The following RSPRY1 variants were observed in gnomAD, a reference collection of about 807,000 sequenced individuals.
The protein encoded by RSPRY1 is ring finger and SPRY domain containing 1, also known as RING finger and SPRY domain-containing protein 1.
In RSPRY1, 23 loss-of-function variants were observed where a neutral mutation model predicts 73.1. That is an observed-to-expected ratio of 0.31 (90% confidence interval 0.23 to 0.45). The LOEUF is 0.45. RSPRY1 is among the 20% of genes least tolerant of loss of function. RSPRY1 has a pLI of 1.00. For missense variants in RSPRY1, 448 were observed against 698.7 expected (o/e 0.64, Z 4.05); for synonymous variants, 226 against 251.4 (o/e 0.90, Z 0.95).
intron 2 of RSPRY1, among the ~76,000 whole-genome samples, chr16:57,205,866 T>C (rs1430432735): frequency 6.6e-6 from 1 of 152,254 alleles, no homozygotes; most frequent in Non-Finnish European, 1.5e-5. Flanking sequence ...AGCTTTGTAC[T>C]TAACAGTTGC....
At chr16:57,220,394 T>C (rs2075015679) in intron 8 of RSPRY1, 1 of 168,142 alleles carries the variant, frequency 5.9e-6, no homozygotes, top group Admixed American at 5.8e-5. Context: ...AGGTATCTTA[T>C]TTTATTTATA....
intron 1 of RSPRY1, among the ~76,000 whole-genome samples, chr16:57,202,040 G>T (rs1353868787): frequency 6.6e-6 from 1 of 152,000 alleles, no homozygotes; most frequent in Non-Finnish European, 1.5e-5. Flanking sequence ...ATCTCAGAGG[G>T]GCCGAGCAGG....
intron 8 of RSPRY1, 36 bp downstream of exon 8, chr16:57,217,071 T>G (rs757468338): frequency 6.2e-6 from 10 of 1,612,716 alleles, no homozygotes; most frequent in Middle Eastern, 1.7e-4. Flanking sequence ...AATGTCCGTT[T>G]CCATTTCCAG....
At chr16:57,226,816 G>A (rs1429900203) in intron 10 of RSPRY1, among the ~76,000 whole-genome samples, 1 of 152,160 alleles carries the variant, frequency 6.6e-6, no homozygotes, top group East Asian at 1.9e-4. Context: ...TCTTGGGAAT[G>A]CAGCTGAGCA....
At chr16:57,233,650 G>C (rs914076829) in intron 13 of RSPRY1, among the ~76,000 whole-genome samples, 1 of 152,152 alleles carries the variant, frequency 6.6e-6, no homozygotes, top group Non-Finnish European at 1.5e-5. Context: ...GATTACAGGC[G>C]TGAGCCACTG....
rs1357327895 is a variant in RSPRY1, at chr16:57,204,605, A to G, written c.-54A>G. ...GTTGTTAAAAACAAATAGGATGCAA[A>G]TTCCTCAACTCCAGGTTATGAAAAC... On this transcript the variant is annotated 5_prime_UTR_variant, in exon 2 of 15. Coordinates refer to ENST00000394420, the MANE Select transcript of RSPRY1 (RefSeq NM_133368.3). 3.9e-6 allele frequency: 6 copies of G among 1,524,776 alleles called. No homozygotes were observed. The highest frequency in any genetic ancestry group is 5.4e-6 in the Non-Finnish European group (6 of 1,114,674). The allele number at this position is 1,524,776 out of a possible 1,614,324, so 94.5% of individuals were successfully genotyped here.
At chr16:57,223,623 T>C (rs1220079661) in intron 10 of RSPRY1, among the ~76,000 whole-genome samples, 1 of 152,046 alleles carries the variant, frequency 6.6e-6, no homozygotes, top group Non-Finnish European at 1.5e-5. Flanking sequence ...ATATAAAAAA[T>C]TAGCTGGGCG....
At chr16:57,206,786 A>G (rs2074734413) in intron 2 of RSPRY1, among the ~76,000 whole-genome samples, 1 of 152,152 alleles carries the variant, frequency 6.6e-6, no homozygotes, top group Admixed American at 6.5e-5. Context: ...GCTGGTCTCA[A>G]ATACCTGGAC....
chr16:57,221,621 C>A (rs1431806807), intron 10 of RSPRY1, among the ~76,000 whole-genome samples: 1 of 152,172 alleles, frequency 6.6e-6, no homozygotes, highest in Non-Finnish European at 1.5e-5. Flanking sequence ...TCGGCCTTTT[C>A]TTTTTCTTGA....
intron 4 of RSPRY1, among the ~76,000 whole-genome samples, chr16:57,212,028 G>A (rs1322527171): frequency 2.6e-5 from 4 of 152,154 alleles, no homozygotes; most frequent in Non-Finnish European, 4.4e-5. Flanking sequence ...CAACTCTGTT[G>A]GGGCAGGGTG....
chr16:57,201,294 A>G (rs1387546767), intron 1 of RSPRY1, among the ~76,000 whole-genome samples: 1 of 148,938 alleles, frequency 6.7e-6, no homozygotes, highest in Non-Finnish European at 1.5e-5. Flanking sequence ...GGCGGTTGCC[A>G]GGCAGAGGGT....
At chr16:57,216,759 A>G (rs891145210) in intron 7 of RSPRY1, 145 bp from the exon 8 acceptor site, 1 of 752,838 alleles carries the variant, frequency 1.3e-6, no homozygotes. Context: ...CTCTTTGGCT[A>G]TGTTTTCCCT....
At chr16:57,197,105 C>G (rs999346934) in intron 1 of RSPRY1, among the ~76,000 whole-genome samples, 1 of 152,032 alleles carries the variant, frequency 6.6e-6, no homozygotes, top group Non-Finnish European at 1.5e-5. Context: ...AAGCAGTGGT[C>G]CTTGGAAAGT....
At chr16:57,197,517 G>T (rs2074472053) in intron 1 of RSPRY1, among the ~76,000 whole-genome samples, 1 of 151,044 alleles carries the variant, frequency 6.6e-6, no homozygotes, top group Non-Finnish European at 1.5e-5. Flanking sequence ...AAAAAAAAAA[G>T]TCTGGCTTTA....
chr16:57,191,758 C>G (rs1256256568), intron 1 of RSPRY1, among the ~76,000 whole-genome samples: 1 of 152,134 alleles, frequency 6.6e-6, no homozygotes, highest in Non-Finnish European at 1.5e-5. Flanking sequence ...GATAGATTCT[C>G]TAGTCCCCTT....
rs1327464943 is a variant in RSPRY1 at position 57,238,928 on chromosome 16, C to T, written c.1684C>T (p.Arg562Cys). The part of the protein sequence containing the change: ...ALQLETCPLC[R>C]KEIVSRIRQI... ...GCAGCTGGAGACCTGCCCATTGTGT[C>T]GTAAAGAAATAGTATCTAGAATCAG... Residue 562 changes from arginine to cysteine, a missense_variant, in exon 15 of 15, where the codon CGT becomes TGT. Arg to Cys is a radical substitution (Grantham distance 180). Transcript: ENST00000394420. 5 of 1,607,630 alleles carry T rather than the reference C, an allele frequency of 3.1e-6. No individual in the cohort carries two copies. The highest frequency in any genetic ancestry group is 1.1e-5 in the South Asian group (1 of 90,054).
intron 14 of RSPRY1, among the ~76,000 whole-genome samples, chr16:57,237,683 T>TTTTATTTTTATTTATTTA (rs531066428): frequency 1.3e-5 from 2 of 152,034 alleles, no homozygotes; most frequent in Admixed American, 6.5e-5. Context: ...CTCTTTATTT[T>TTTTATTTTTATTTATTTA]TTTATTTTTA....
chr16:57,220,700 C>A, intron 8 of RSPRY1, 32 bp from the exon 9 acceptor site: 1 of 1,436,392 alleles, frequency 7.0e-7, no homozygotes, highest in Non-Finnish European at 9.8e-7. Flanking sequence ...CAGCAGCCTG[C>A]CTTAGAAACA....
At chr16:57,218,982 C>T (rs1427516204) in intron 8 of RSPRY1, among the ~76,000 whole-genome samples, 2 of 122,650 alleles carry the variant, frequency 1.6e-5, no homozygotes, top group African/African-American at 3.3e-5. Context: ...GTGATCCGCC[C>T]GCCTCGGCCT....
Sources: gnomAD v4.1 joint callset for allele counts (sites outside exome capture counted in the v4.1 genomes callset) on GRCh38, gnomAD v4.1.1 for gene constraint, MANE v1.5 for transcripts, NCBI Gene and HGNC (gene_info 2026-07-23, HGNC 2026-07-21) for gene names.